MAGI2: variants seen among roughly 807,000 people sequenced by gnomAD.
The protein encoded by MAGI2 is membrane associated guanylate kinase, WW and PDZ domain containing 2.
MAGI2 carries 35 observed loss-of-function variants against 133.3 expected under a neutral mutation model. That is an observed-to-expected ratio of 0.26 (90% CI 0.20 to 0.35). MAGI2 has a LOEUF of 0.35. MAGI2 is among the 10% of genes least tolerant of loss of function. The pLI is 1.00. For synonymous variants in MAGI2, 729 were observed against 710.6 expected (o/e 1.03, Z -0.41); for missense variants, 1,636 against 1,863.4 (o/e 0.88, Z 2.25).
chr7:78,912,840 TTCATATATCCA>T (rs1195949358), intron 2 of MAGI2, among the ~76,000 whole-genome samples: 1 of 146,796 alleles, frequency 6.8e-6, no homozygotes, highest in Non-Finnish European at 1.5e-5. Flanking sequence ...TATATTCCAC[TTCATATATCCA>T]TCATATATAT....
At chr7:78,626,836 GTGTGTGTGTGT>G (rs1404474889) in intron 3 of MAGI2, among the ~76,000 whole-genome samples, 2 of 33,782 alleles carry the variant, frequency 5.9e-5, no homozygotes, top group Admixed American at 3.7e-4. Context: ...ATGTGTGTGT[GTGTGTGTGTGT>G]GTGTGTGTGT....
intron 10 of MAGI2, among the ~76,000 whole-genome samples, chr7:78,205,186 C>T (rs1584384521): frequency 6.6e-6 from 1 of 152,168 alleles, no homozygotes; most frequent in East Asian, 1.9e-4. Flanking sequence ...CGCTGAAGTG[C>T]AGTGGCGTGA....
At chr7:79,433,594 CA>C (rs1847937662) in intron 1 of MAGI2, among the ~76,000 whole-genome samples, 2 of 151,892 alleles carry the variant, frequency 1.3e-5, no homozygotes, top group Non-Finnish European at 2.9e-5. Context: ...TCCTTTGAGC[CA>C]ACTTGCTTAA....
intron 16 of MAGI2, among the ~76,000 whole-genome samples, chr7:78,150,743 TAAG>T (rs1489086983): frequency 6.6e-6 from 1 of 152,116 alleles, no homozygotes; most frequent in African/African-American, 2.4e-5. Context: ...AACACAATAA[TAAG>T]AACTCTCCTG....
intron 4 of MAGI2, among the ~76,000 whole-genome samples, chr7:78,508,180 C>T (rs1458748315): frequency 2.0e-5 from 3 of 151,924 alleles, no homozygotes; most frequent in African/African-American, 7.3e-5. Flanking sequence ...CCAGGATGAC[C>T]ACGTCCTAAC....
intron 6 of MAGI2, among the ~76,000 whole-genome samples, chr7:78,371,697 T>TGCA (rs1449402237): frequency 2.6e-5 from 4 of 152,058 alleles, no homozygotes; most frequent in African/African-American, 9.7e-5. Context: ...ACTGTCCCAC[T>TGCA]TGTTATCATG....
chr7:78,109,429 G>A (rs915628664), intron 20 of MAGI2, among the ~76,000 whole-genome samples: 11 of 147,254 alleles, frequency 7.5e-5, no homozygotes, highest in African/African-American at 2.5e-4. Flanking sequence ...TCAGAAGATC[G>A]AGACCATCCT....
chr7:78,497,659 C>G (rs1409785851), intron 5 of MAGI2, among the ~76,000 whole-genome samples: 1 of 152,102 alleles, frequency 6.6e-6, no homozygotes, highest in African/African-American at 2.4e-5. Context: ...TTTAATACGT[C>G]TTTTAAAACT....
chr7:78,664,704 G>A (rs1207701882), intron 2 of MAGI2, among the ~76,000 whole-genome samples: 1 of 137,244 alleles, frequency 7.3e-6, no homozygotes, highest in African/African-American at 2.6e-5. Context: ...AAATAGCAAA[G>A]TATATTAGAA....
rs549745972 is a variant in MAGI2, at chr7:78,309,850, G to C, written c.1408+33928C>G. On this transcript the variant is annotated intron_variant, in intron 9 of 21. Coordinates refer to ENST00000354212, the MANE Select transcript of MAGI2 (RefSeq NM_012301.4). ...CTCAGACCTTTCTTCTATAGATTAG[G>C]TTGACATTAATATTCTTTTCATTGA... 3.3e-5 allele frequency among the ~76,000 whole-genome samples: 5 copies of C among 152,080 alleles called. No individual in the cohort carries two copies. The South Asian group carries it at 1.0e-3, about 32-fold the overall frequency.
chr7:78,440,892 A>G (rs746214787), intron 6 of MAGI2, among the ~76,000 whole-genome samples: 1 of 152,080 alleles, frequency 6.6e-6, no homozygotes, highest in Non-Finnish European at 1.5e-5. Context: ...GTTTGGGGCT[A>G]CAGTGAGCTG....
chr7:79,296,022 T>G (rs1177331869), intron 1 of MAGI2, among the ~76,000 whole-genome samples: 1 of 152,198 alleles, frequency 6.6e-6, no homozygotes, highest in African/African-American at 2.4e-5. Flanking sequence ...CTAAAAATCT[T>G]CACATTCAGG....
chr7:78,355,456 G>C (rs1476511335), intron 7 of MAGI2, among the ~76,000 whole-genome samples: 2 of 152,220 alleles, frequency 1.3e-5, no homozygotes, highest in African/African-American at 4.8e-5. Context: ...GTGGATGGCA[G>C]AGTGGGATGG....
intron 1 of MAGI2, among the ~76,000 whole-genome samples, chr7:79,334,318 T>C (rs1490785697): frequency 7.2e-5 from 11 of 152,326 alleles, no homozygotes; most frequent in Non-Finnish European, 2.9e-5. Flanking sequence ...GTAAGCATGG[T>C]TAAGAATCTA....
chr7:78,311,474 G>T (rs1798698317), intron 9 of MAGI2, among the ~76,000 whole-genome samples: 1 of 152,204 alleles, frequency 6.6e-6, no homozygotes, highest in South Asian at 2.1e-4. Context: ...GACTACAGAG[G>T]ATCAAGGGGA....
At chr7:78,570,042 A>G (rs1356793020) in intron 3 of MAGI2, among the ~76,000 whole-genome samples, 1 of 152,148 alleles carries the variant, frequency 6.6e-6, no homozygotes, top group Admixed American at 6.5e-5. Context: ...TCTTTTGTCA[A>G]TGGATATTTG....
intron 2 of MAGI2, among the ~76,000 whole-genome samples, chr7:78,674,832 T>A (rs997687129): frequency 6.6e-6 from 1 of 151,990 alleles, no homozygotes; most frequent in African/African-American, 2.4e-5. Flanking sequence ...CCAAAGAAAT[T>A]GAAATGGCAT....
intron 2 of MAGI2, among the ~76,000 whole-genome samples, chr7:78,732,466 C>T (rs986033000): frequency 1.3e-5 from 2 of 152,042 alleles, no homozygotes; most frequent in South Asian, 2.1e-4. Flanking sequence ...TTAACTAACT[C>T]GTAACTGCTC....
At chr7:78,099,850 C>T (rs1346343548) in intron 20 of MAGI2, among the ~76,000 whole-genome samples, 6 of 152,154 alleles carry the variant, frequency 3.9e-5, no homozygotes, top group African/African-American at 1.2e-4. Flanking sequence ...GTATTCATTT[C>T]ATTCCAGGAC....
Sources: gnomAD v4.1 joint callset for allele counts (sites outside exome capture counted in the v4.1 genomes callset) on GRCh38, gnomAD v4.1.1 for gene constraint, MANE v1.5 for transcripts, NCBI Gene and HGNC (gene_info 2026-07-23, HGNC 2026-07-21) for gene names.